Variants in YME1L1 observed in about 807,000 individuals in gnomAD.
YME1L1 encodes the protein ATP-dependent zinc metalloprotease YME1L1.
A neutral mutation model predicts 90.4 loss-of-function variants in YME1L1; 39 were observed. The ratio of observed to expected loss-of-function variants is 0.43; its 90% CI spans 0.33 to 0.56. YME1L1 has a LOEUF of 0.56. YME1L1 is among the 20% of genes least tolerant of loss of function. The pLI is 0.03. For missense variants in YME1L1, 617 were observed against 868.4 expected, an observed-to-expected ratio of 0.71 and a Z score of 3.64; for synonymous variants, 284 against 287.3, an observed-to-expected ratio of 0.99 and a Z score of 0.12.
intron 3 of YME1L1, 137 bp downstream of exon 3, chr10:27,145,289 CAA>C (rs57762952): frequency 1.2e-4 from 58 of 496,294 alleles, no homozygotes; most frequent in East Asian, 2.5e-4. Context: ...TGAAAAATTG[CAA>C]AAAAAAAAAC....
At chr10:27,144,109 T>C (rs2057118328) in intron 3 of YME1L1, among the ~76,000 whole-genome samples, 1 of 152,224 alleles carries the variant, frequency 6.6e-6, no homozygotes. Context: ...TACCTCTGCC[T>C]GCCTAAACCT....
Position 27,131,880 on chromosome 10 carries a change from G to T in YME1L1, c.837C>A (p.Val279=). 6.2e-7 allele frequency: 1 copy of T among 1,612,642 alleles called. No individual in the cohort carries two copies. Among genetic ancestry groups the T allele is most frequent in the South Asian group, 1.1e-5 (1 of 90,602 alleles). Residue 279 remains valine (V), a synonymous_variant, in exon 8 of 19, where the codon GTC becomes GTA. Coordinates refer to ENST00000376016, the MANE Select transcript of YME1L1 (RefSeq NM_014263.4). ...SAVDPVQMKN[V]TFEHVKGVEE... is the part of the protein sequence containing the mutation. ...TTACCCCTTTAACATGTTCAAAGGT[G>T]ACATTTTTCATCTGGACAGGATCTA...
rs2297151 is a variant in YME1L1, at chr10:27,115,998, G to C, written c.1920+62C>G. ...TATTACCAATTTATAATCAGAACCA[G>C]CTCTCAAATCAACACTTGACACATA... On this transcript the variant is annotated intron_variant, in intron 17 of 18. Coordinates refer to ENST00000376016, the MANE Select transcript of YME1L1 (RefSeq NM_014263.4). 2.8e-6 allele frequency: 4 copies of C among 1,411,912 alleles called. No homozygotes were observed. In the Admixed American group the frequency reaches 7.3e-5, roughly 26 times the overall value. 87.5% of individuals were successfully genotyped at this position (1,411,912 alleles called of 1,614,324 possible).
intron 4 of YME1L1, among the ~76,000 whole-genome samples, chr10:27,140,924 T>C (rs996877774): frequency 1.3e-5 from 2 of 152,220 alleles, no homozygotes; most frequent in Admixed American, 6.5e-5. Context: ...CGCTCAGTTT[T>C]TATACATCTT....
intron 17 of YME1L1, among the ~76,000 whole-genome samples, 198 bp downstream of exon 17, chr10:27,115,862 C>T (rs2056807533): frequency 6.6e-6 from 1 of 152,188 alleles, no homozygotes; most frequent in Admixed American, 6.5e-5. Context: ...TAGTTACTAT[C>T]TGGGCAGCTC....
chr10:27,112,135 G>A lies in YME1L1; in HGVS notation c.2008-15C>T, dbSNP rs772716218. 5 of 1,600,970 alleles carry A rather than the reference G, an allele frequency of 3.1e-6. No homozygotes were observed. The African/African-American group carries it at 5.4e-5, about 17-fold the overall frequency. On this transcript the variant is annotated splice_polypyrimidine_tract_variant and intron_variant, in intron 18 of 18. Coordinates refer to ENST00000376016, the MANE Select transcript of YME1L1 (RefSeq NM_014263.4). Reference sequence around the variant, plus strand: ...TCATATGAGTCCTGAAACAGAAAAGGAGATACGTAAGCAGCAGCAAATGCA... The same window carrying A: ...TCATATGAGTCCTGAAACAGAAAAGAAGATACGTAAGCAGCAGCAAATGCA...
chr10:27,145,763 G>A, intron 2 of YME1L1, 173 bp from the exon 3 acceptor site: 1 of 533,886 alleles, frequency 1.9e-6, no homozygotes. Context: ...GTTTTACTGA[G>A]ATCAGTCATA....
chr10:27,127,036 G>A (rs1462663243), intron 8 of YME1L1, among the ~76,000 whole-genome samples: 1 of 152,094 alleles, frequency 6.6e-6, no homozygotes, highest in African/African-American at 2.4e-5. Context: ...CATTTTCTCA[G>A]TGAGAAAACA....
At chr10:27,152,822 T>C (rs1454009702) in intron 1 of YME1L1, among the ~76,000 whole-genome samples, 2 of 151,656 alleles carry the variant, frequency 1.3e-5, no homozygotes, top group East Asian at 1.9e-4. Flanking sequence ...GGGGGGTGGG[T>C]GGGTATTTTT....
rs767056670 is a variant in YME1L1 at position 27,119,402 on chromosome 10, C to T, written c.1459G>A (p.Ala487Thr). 1 of 1,613,294 alleles carries T rather than the reference C, an allele frequency of 6.2e-7. No individual in the cohort carries two copies. The highest frequency in any genetic ancestry group is 1.1e-5 in the South Asian group (1 of 90,958). Reference protein sequence around the residue: ...IARGTVGFSGAELENLVNQAA... With the variant: ...IARGTVGFSGTELENLVNQAA... ...TGGTTCACAAGATTCTCCAACTCTG[C>T]TCCGGAAAAGCCAACAGTACCTCGA... Residue 487 changes from alanine (A) to threonine (T), a missense_variant, in exon 14 of 19, where the codon GCA becomes ACA. Transcript: ENST00000376016.
intron 4 of YME1L1, among the ~76,000 whole-genome samples, chr10:27,138,605 C>G (rs918919681): frequency 1.3e-5 from 2 of 152,022 alleles, no homozygotes; most frequent in African/African-American, 4.8e-5. Flanking sequence ...ATAAAACCTG[C>G]CGCTAGAATA....
At chr10:27,140,116 C>G (rs1188778442) in intron 4 of YME1L1, among the ~76,000 whole-genome samples, 1 of 152,180 alleles carries the variant, frequency 6.6e-6, no homozygotes, top group Non-Finnish European at 1.5e-5. Context: ...TATCCTGCCT[C>G]AGCCTCCCGA....
Position 27,154,255 on chromosome 10 carries a change from C to T in YME1L1, c.-45G>A, listed in dbSNP as rs778518279. ...ACCTCACCCGCCTGCCGAAACTGTG[C>T]CCCTCTGTCCACGGCCCGGCGGGGA... On this transcript the variant is annotated 5_prime_UTR_variant, in exon 1 of 19. Transcript: ENST00000376016. 6.3e-7 allele frequency: 1 copy of T among 1,574,894 alleles called. No homozygotes were observed. The highest frequency in any genetic ancestry group is 1.2e-5 in the South Asian group (1 of 86,274).
In YME1L1 at chr10:27,134,843, G is replaced by C; in HGVS notation, c.679C>G (p.Gln227Glu). 1 of 1,613,386 alleles carries C rather than the reference G, an allele frequency of 6.2e-7. No individual in the cohort carries two copies. The highest frequency in any genetic ancestry group is 1.1e-5 in the South Asian group (1 of 91,016). ...CAATTCAACTTACCATTGGTTTTTT[G>C]TGTGAGTGCTTGAGCTTTCAGAAAA... ...EGFLKAQALT[Q>E]KTNDSLRRTR... The change falls in exon 6 of 19, where the codon CAA (glutamine) becomes GAA (glutamate). Residue 227 changes from glutamine (Q) to glutamate (E), a missense_variant. Coordinates refer to ENST00000376016, the MANE Select transcript of YME1L1 (RefSeq NM_014263.4).
chr10:27,122,595 C>A (rs1457423033), intron 11 of YME1L1, among the ~76,000 whole-genome samples: 1 of 152,018 alleles, frequency 6.6e-6, no homozygotes, highest in Non-Finnish European at 1.5e-5. Context: ...GATATAAATA[C>A]CATAAATTAA....
intron 13 of YME1L1, 28 bp from the exon 14 acceptor site, chr10:27,119,477 A>G (rs770151679): frequency 2.2e-5 from 35 of 1,594,278 alleles, no homozygotes; most frequent in Middle Eastern, 1.7e-4. Flanking sequence ...CACAACGCTA[A>G]TAAGTCTAAA....
chr10:27,147,410 A>G, intron 2 of YME1L1: 1 of 1,606,116 alleles, frequency 6.2e-7, no homozygotes, highest in Non-Finnish European at 8.5e-7. Flanking sequence ...CAAGTGAAAG[A>G]TGGCAAGAAC....
chr10:27,149,448 G>T (rs1238143447), intron 1 of YME1L1, among the ~76,000 whole-genome samples: 1 of 152,046 alleles, frequency 6.6e-6, no homozygotes, highest in African/African-American at 2.4e-5. Flanking sequence ...AGTGGCTCAC[G>T]CCTGTAACCC....
Position 27,149,002 on chromosome 10 carries a change from A to G in YME1L1, c.72T>C (p.His24=), listed in dbSNP as rs756644905. 1 of 1,613,872 alleles carries G rather than the reference A, an allele frequency of 6.2e-7. No individual in the cohort carries two copies. Among genetic ancestry groups the G allele is most frequent in the Non-Finnish European group, 8.5e-7 (1 of 1,179,860 alleles). ...GAGAAACAGAAGTGTTTTTTGGTGT[A>G]TGGAAGGCATTGATGAGATGACTCA... The part of the protein sequence containing the change: ...VPLSHLINAF[H]TPKNTSVSLS... Residue 24 remains histidine, a synonymous_variant, in exon 2 of 19, where the codon CAT becomes CAC. Transcript: ENST00000376016.
Sources: allele counts gnomAD v4.1 joint callset (sites outside exome capture counted in the v4.1 genomes callset), GRCh38; gene constraint gnomAD v4.1.1; transcripts MANE v1.5; gene names NCBI Gene and HGNC (gene_info 2026-07-23, HGNC 2026-07-21).